TSTD2: variants seen among roughly 807,000 people sequenced by gnomAD.
TSTD2 encodes thiosulfate sulfurtransferase like domain containing 2, also known as thiosulfate sulfurtransferase/rhodanese-like domain-containing protein 2.
TSTD2 carries 37 observed loss-of-function variants against 47.9 expected under a neutral mutation model. That is an observed-to-expected ratio of 0.77 (90% confidence interval 0.59 to 1.02). The LOEUF (loss-of-function observed/expected upper bound fraction) is 1.02. TSTD2 is among the 50% of genes least tolerant of loss of function. TSTD2 has a pLI of 0.00. For missense variants in TSTD2, 586 were observed against 616.0 expected (o/e 0.95, Z 0.52); for synonymous variants, 201 against 215.9 (o/e 0.93, Z 0.61).
In TSTD2 at chr9:97,600,623, T is replaced by C; in HGVS notation, c.*1846A>G. On this transcript the variant is annotated 3_prime_UTR_variant, in exon 10 of 10. Transcript: ENST00000341170. The stretch of plus-strand genomic sequence containing the variant: ...TATGGTATTTAGTAATGGCCCAGCT[T>C]AGAGACTTCAGCTACTGATCTCATC... 1.0e-6 allele frequency: 1 copy of C among 987,824 alleles called. No individual in the cohort carries two copies. Among genetic ancestry groups the C allele is most frequent in the Non-Finnish European group, 1.2e-6 (1 of 831,574 alleles). The allele number at this position is 987,824 out of a possible 1,614,324, so 61.2% of individuals were successfully genotyped here. A position where few individuals can be genotyped will look rare whatever the true frequency, so the allele number is the denominator to read the frequency against.
Position 97,625,862 on chromosome 9 carries a change from C to A in TSTD2, c.301G>T (p.Ala101Ser). ...GCTGTCTGGTGATAAATTTCATCAG[C>A]ATGTTGTGTTGCCACATGTCTATGG... Reference protein sequence around the residue: ...SIHRHVATQHADEIYHQTASI... With the variant: ...SIHRHVATQHSDEIYHQTASI... The change falls in exon 3 of 10, where the codon GCT (alanine) becomes TCT (serine). Residue 101 changes from alanine (A) to serine (S), a missense_variant. By Grantham distance (99) the Ala-to-Ser change is moderately conservative (BLOSUM62 1). Coordinates refer to ENST00000341170, the MANE Select transcript of TSTD2 (RefSeq NM_139246.5). 1 of 1,614,158 alleles carries A rather than the reference C, an allele frequency of 6.2e-7. No individual in the cohort carries two copies. The highest frequency in any genetic ancestry group is 8.5e-7 in the Non-Finnish European group (1 of 1,179,986).
Position 97,600,663 on chromosome 9 carries a change from T to C in TSTD2, c.*1806A>G. On this transcript the variant is annotated 3_prime_UTR_variant, in exon 10 of 10. Transcript: ENST00000341170. ...CTGATCTCATCACTTATTAGACAAA[T>C]TGCTGCTGACCTTACGCCTGTATAT... 4.0e-6 allele frequency: 4 copies of C among 991,450 alleles called. No individual in the cohort carries two copies. Among genetic ancestry groups the C allele is most frequent in the Non-Finnish European group, 4.8e-6 (4 of 833,710 alleles). The allele number at this position is 991,450 out of a possible 1,614,324, so 61.4% of individuals were successfully genotyped here.
At chr9:97,612,442 A>G (rs1355190292) in intron 4 of TSTD2, among the ~76,000 whole-genome samples, 2 of 152,236 alleles carry the variant, frequency 1.3e-5, no homozygotes, top group Non-Finnish European at 2.9e-5. Context: ...ACAACGGTTG[A>G]GCTAATTTAC....
intron 1 of TSTD2, among the ~76,000 whole-genome samples, chr9:97,627,840 G>A (rs1826747451): frequency 6.6e-6 from 1 of 152,232 alleles, no homozygotes; most frequent in Non-Finnish European, 1.5e-5. Flanking sequence ...CCTGCTTAGA[G>A]TTTACATTCC....
chr9:97,617,986 T>G, intron 3 of TSTD2, 109 bp from the exon 4 acceptor site: 4 of 1,392,300 alleles, frequency 2.9e-6, no homozygotes, highest in Non-Finnish European at 3.8e-6. Flanking sequence ...ATGAGGACAC[T>G]CATGCCTGTC....
In TSTD2 at chr9:97,602,524, G is replaced by A; in HGVS notation, c.1496C>T (p.Pro499Leu). 1.9e-6 allele frequency: 3 copies of A among 1,614,082 alleles called. No individual in the cohort carries two copies. The highest frequency in any genetic ancestry group is 1.7e-5 in the Admixed American group (1 of 60,024). The change falls in exon 10 of 10, where the codon CCT (proline) becomes CTT (leucine). Residue 499 changes from proline (P) to leucine (L), a missense_variant. Physicochemically the swap from Pro to Leu is moderately conservative, Grantham distance 98 (BLOSUM62 -3). Coordinates refer to ENST00000341170, the MANE Select transcript of TSTD2 (RefSeq NM_139246.5). ...PRELLQHVRQ[P>L]VSPEPGPDAD... is the part of the protein sequence containing the mutation. ...ATCAGGCCCTGGCTCTGGGCTCACA[G>A]GCTGTCGCACATGCTGCAAGAGTTC... is the stretch of plus-strand genomic sequence containing the variant.
chr9:97,630,149 CTCCCCAT>C (rs1452168729), intron 1 of TSTD2, among the ~76,000 whole-genome samples: 2 of 152,148 alleles, frequency 1.3e-5, no homozygotes, highest in Non-Finnish European at 2.9e-5. Context: ...TCTGACTATG[CTCCCCAT>C]TCCCCATCAG....
chr9:97,605,211 C>G (rs994531501), intron 8 of TSTD2, among the ~76,000 whole-genome samples: 1 of 152,162 alleles, frequency 6.6e-6, no homozygotes, highest in Non-Finnish European at 1.5e-5. Context: ...CAGGATCAAG[C>G]AAAAGGATCA....
At chr9:97,624,317 C>G (rs1229021682) in intron 3 of TSTD2, among the ~76,000 whole-genome samples, 1 of 151,886 alleles carries the variant, frequency 6.6e-6, no homozygotes, top group African/African-American at 2.4e-5. Flanking sequence ...ACTCAGGCAG[C>G]CTATGAAGAG....
rs762511939 is a variant in TSTD2 at position 97,627,368 on chromosome 9, A to G, written c.165+30T>C. ...ATGTATCTGCGTTAACCACACATAC[A>G]TGATCATGAAACATTCATAAGAATT... is the stretch of plus-strand genomic sequence containing the variant. On this transcript the variant is annotated intron_variant, in intron 2 of 9. Coordinates refer to ENST00000341170, the MANE Select transcript of TSTD2 (RefSeq NM_139246.5). 35 of 1,569,680 alleles carry G rather than the reference A, an allele frequency of 2.2e-5. 1 individual carries two copies. The East Asian group carries it at 3.2e-4, about 14-fold the overall frequency.
chr9:97,605,766 CCA>C (rs1826355526), intron 7 of TSTD2, 125 bp from the exon 8 acceptor site: 1 of 1,225,146 alleles, frequency 8.2e-7, no homozygotes. Flanking sequence ...AATCTCATCC[CCA>C]CTCTGACCTT....
intron 6 of TSTD2, among the ~76,000 whole-genome samples, chr9:97,606,499 C>G (rs1564006149): frequency 1.3e-5 from 2 of 152,154 alleles, no homozygotes; most frequent in Admixed American, 1.3e-4. Flanking sequence ...CAATGGAGAC[C>G]TGGTAGTTTA....
chr9:97,602,549 C>T lies in TSTD2; in HGVS notation c.1471G>A (p.Glu491Lys), dbSNP rs1239083382. 2.5e-6 allele frequency: 4 copies of T among 1,614,176 alleles called. No individual in the cohort carries two copies. The highest frequency in any genetic ancestry group is 2.7e-5 in the African/African-American group (2 of 75,064). The change falls in exon 10 of 10, where the codon GAA becomes AAA. Residue 491 changes from glutamate to lysine, a missense_variant. Coordinates refer to ENST00000341170, the MANE Select transcript of TSTD2 (RefSeq NM_139246.5). ...GGCTGTCGCACATGCTGCAAGAGTT[C>T]CCTAGGTATGCGTGGCCGTCGGGCT... is the stretch of plus-strand genomic sequence containing the variant. ...CTARRPRIPRELLQHVRQPVS... is the reference protein window; with the variant it reads ...CTARRPRIPRKLLQHVRQPVS...
intron 1 of TSTD2, among the ~76,000 whole-genome samples, chr9:97,632,771 T>C (rs1021040718): frequency 6.6e-6 from 1 of 152,070 alleles, no homozygotes; most frequent in Admixed American, 6.6e-5. Context: ...TTACAGATAA[T>C]TGTTATGTAA....
Position 97,630,250 on chromosome 9 carries a change from G to A in TSTD2, c.-50-2638C>T, listed in dbSNP as rs368427823. Among the ~76,000 whole-genome samples the A allele has an allele frequency of 1.5e-3, 233 of 152,318 alleles. 1 individual carries two copies. The highest frequency in any genetic ancestry group is 5.4e-3 in the African/African-American group (225 of 41,558). On this transcript the variant is annotated intron_variant, in intron 1 of 9. Coordinates refer to ENST00000341170, the MANE Select transcript of TSTD2 (RefSeq NM_139246.5). ...CCTGACTCAAGGTCTCTGCACCTGA[G>A]TGTGGGGTGCCTTTCCCACCACCCC...
At chr9:97,611,764 A>T (rs1204654502) in intron 4 of TSTD2, 65 bp from the exon 5 acceptor site, 1 of 1,534,290 alleles carries the variant, frequency 6.5e-7, no homozygotes, top group Non-Finnish European at 8.9e-7. Context: ...TCCAGGGAAG[A>T]ACAATAGGCT....
intron 4 of TSTD2, among the ~76,000 whole-genome samples, chr9:97,615,964 A>C (rs893163589): frequency 2.0e-5 from 3 of 152,226 alleles, no homozygotes; most frequent in Non-Finnish European, 4.4e-5. Flanking sequence ...ATGGGAGGTC[A>C]CAGATATTAA....
At position 97,602,190 on chromosome 9, in the gene TSTD2, G is replaced by A; in HGVS notation, c.*279C>T. Reference sequence around the variant, plus strand: ...ATGGAACAGAAAGGGCATATGCTGTGGCCACCAGGCTCAGGCTCTATCCCT... The same window carrying A: ...ATGGAACAGAAAGGGCATATGCTGTAGCCACCAGGCTCAGGCTCTATCCCT... On this transcript the variant is annotated 3_prime_UTR_variant, in exon 10 of 10. Transcript: ENST00000341170. 2.5e-6 allele frequency: 1 copy of A among 405,974 alleles called. No individual in the cohort carries two copies. The highest frequency in any genetic ancestry group is 4.6e-5 in the South Asian group (1 of 21,728). 25.1% of individuals were successfully genotyped at this position (405,974 alleles called of 1,614,324 possible). A position where few individuals can be genotyped will look rare whatever the true frequency, so the allele number is the denominator to read the frequency against.
chr9:97,633,365 T>G lies in TSTD2; in HGVS notation c.-173A>C, dbSNP rs1368541921. 2.6e-6 allele frequency: 1 copy of G among 383,068 alleles called. No individual in the cohort carries two copies. The highest frequency in any genetic ancestry group is 2.1e-5 in the African/African-American group (1 of 48,276). The allele number at this position is 383,068 out of a possible 1,614,324, so 23.7% of individuals were successfully genotyped here. A position where few individuals can be genotyped will look rare whatever the true frequency, so the allele number is the denominator to read the frequency against. ...GTATTTGGGTAGAAAAGCTCGCTCG[T>G]GACGTCACCAAGCTCCGGAAGTCTC... On this transcript the variant is annotated 5_prime_UTR_variant, in exon 1 of 10. Coordinates refer to ENST00000341170, the MANE Select transcript of TSTD2 (RefSeq NM_139246.5).
Sources: gnomAD v4.1 joint callset for allele counts (sites outside exome capture counted in the v4.1 genomes callset) on GRCh38, gnomAD v4.1.1 for gene constraint, MANE v1.5 for transcripts, NCBI Gene and HGNC (gene_info 2026-07-23, HGNC 2026-07-21) for gene names.